The following LANCL2 variants were observed in gnomAD, a reference collection of about 807,000 sequenced individuals.
LANCL2 encodes lanC-like protein 2.
Under a neutral mutation model 56.9 loss-of-function variants are expected in LANCL2, and 33 were observed. The observed-to-expected ratio is 0.58, with a 90% confidence interval of 0.44 to 0.78. The LOEUF (loss-of-function observed/expected upper bound fraction) is 0.78. Among genes scored for constraint, LANCL2 ranks in the 30% least tolerant of loss-of-function variants. The pLI is 0.00. For synonymous variants in LANCL2, 233 were observed against 228.2 expected, an observed-to-expected ratio of 1.02 and a Z score of -0.19; for missense variants, 562 against 580.2, an observed-to-expected ratio of 0.97 and a Z score of 0.32.
rs869116156 is a variant in LANCL2, at chr7:55,416,969, G to GTT, written c.1008+4906_1008+4907dup. Among the ~76,000 whole-genome samples, 151 of 81,648 alleles carry GTT rather than the reference G, an allele frequency of 1.8e-3. 18 individuals are homozygous for GTT. The highest frequency in any genetic ancestry group is 4.8e-3 in the African/African-American group (77 of 16,044). The allele number at this position is 81,648 out of a possible 152,430, so 53.6% of individuals were successfully genotyped here. On this transcript the variant is annotated intron_variant, in intron 6 of 8. Transcript: ENST00000254770. ...ATTACATGAGGTAACAAACGAGGTGGTTTTTTTTTTTTTTTTTTTTTTTTT... is the reference window on the plus strand; with the variant it reads ...ATTACATGAGGTAACAAACGAGGTGGTTTTTTTTTTTTTTTTTTTTTTTTTTT...
At position 55,365,776 on chromosome 7, in the gene LANCL2, C is replaced by G; in HGVS notation, c.-250C>G. The G allele has an allele frequency of 2.7e-6, 1 of 369,742 alleles. No individual in the cohort carries two copies. The highest frequency in any genetic ancestry group is 4.8e-6 in the Non-Finnish European group (1 of 206,676). The allele number at this position is 369,742 out of a possible 1,614,324, so 22.9% of individuals were successfully genotyped here. A position where few individuals can be genotyped will look rare whatever the true frequency, so the allele number is the denominator to read the frequency against. On this transcript the variant is annotated 5_prime_UTR_variant, in exon 1 of 9. Coordinates refer to ENST00000254770, the MANE Select transcript of LANCL2 (RefSeq NM_018697.4). The stretch of plus-strand genomic sequence containing the variant: ...CTCCCGCGAGCCCGCTCCTCTCCGT[C>G]GGGAGCAGGGCAAAGGCGCCAGGAA...
chr7:55,424,640 G>A (rs79590956), intron 6 of LANCL2, among the ~76,000 whole-genome samples: 1,863 of 152,290 alleles, frequency 0.012, 39 homozygotes, highest in African/African-American at 0.043. Context: ...TAGTAAAACC[G>A]TGAAACAGAA....
intron 1 of LANCL2, among the ~76,000 whole-genome samples, chr7:55,382,185 A>G (rs557756127): frequency 1.3e-5 from 2 of 152,352 alleles, no homozygotes; most frequent in East Asian, 1.9e-4. Context: ...CCAGATAGTG[A>G]AACTAGTATG....
At chr7:55,402,896 A>G (rs1303365678) in intron 5 of LANCL2, among the ~76,000 whole-genome samples, 1 of 150,132 alleles carries the variant, frequency 6.7e-6, no homozygotes, top group Admixed American at 6.6e-5. Context: ...CCTGGCAGAG[A>G]CGCTCCTCAC....
intron 5 of LANCL2, among the ~76,000 whole-genome samples, chr7:55,404,845 C>T (rs1408841960): frequency 6.6e-6 from 1 of 152,130 alleles, no homozygotes; most frequent in African/African-American, 2.4e-5. Flanking sequence ...AACTCCTGAC[C>T]TCTGGTGATC....
intron 5 of LANCL2, among the ~76,000 whole-genome samples, chr7:55,405,619 G>T (rs1160815649): frequency 6.6e-6 from 1 of 150,788 alleles, no homozygotes; most frequent in Non-Finnish European, 1.5e-5. Context: ...CCACGAGTGT[G>T]CTGGGATTAC....
intron 1 of LANCL2, among the ~76,000 whole-genome samples, chr7:55,373,466 T>A (rs1481754369): frequency 6.6e-6 from 1 of 150,474 alleles, no homozygotes; most frequent in African/African-American, 2.4e-5. Flanking sequence ...AATTTTTAAA[T>A]TTTTTGTGTG....
Position 55,431,260 on chromosome 7 carries a change from C to G in LANCL2, c.1293C>G (p.Val431=), listed in dbSNP as rs190150971. Reference sequence around the variant, plus strand: ...GCGCTATTCACTTTCTCTCTGATGTCCTGGGACCAGAGACATCACGGTTTC... The same window carrying G: ...GCGCTATTCACTTTCTCTCTGATGTGCTGGGACCAGAGACATCACGGTTTC... ...MAGAIHFLSD[V]LGPETSRFPA... is the part of the protein sequence containing the mutation. The change falls in exon 9 of 9, where the codon GTC becomes GTG. Residue 431 remains valine, a synonymous_variant. Transcript: ENST00000254770. 5 of 1,613,720 alleles carry G rather than the reference C, an allele frequency of 3.1e-6. No individual in the cohort carries two copies. The African/African-American group carries it at 5.3e-5, about 17-fold the overall frequency.
At chr7:55,375,841 C>T (rs1789994451) in intron 1 of LANCL2, among the ~76,000 whole-genome samples, 1 of 152,234 alleles carries the variant, frequency 6.6e-6, no homozygotes, top group South Asian at 2.1e-4. Context: ...GTGTTCCCCA[C>T]TTCCCTGCTG....
intron 8 of LANCL2, among the ~76,000 whole-genome samples, chr7:55,428,929 G>A (rs1790697872): frequency 6.6e-6 from 1 of 152,192 alleles, no homozygotes; most frequent in African/African-American, 2.4e-5. Flanking sequence ...CTGATAGGCA[G>A]GCAGTGAAAG....
At chr7:55,376,373 G>A (rs922573148) in intron 1 of LANCL2, among the ~76,000 whole-genome samples, 11 of 152,278 alleles carry the variant, frequency 7.2e-5, no homozygotes, top group African/African-American at 2.4e-4. Flanking sequence ...ACCAGACTCC[G>A]CATGGACAGC....
intron 1 of LANCL2, among the ~76,000 whole-genome samples, chr7:55,377,978 C>G (rs1241004103): frequency 6.6e-6 from 1 of 152,110 alleles, no homozygotes; most frequent in Non-Finnish European, 1.5e-5. Context: ...GAATGCACAG[C>G]CCAGGAACTT....
intron 5 of LANCL2, among the ~76,000 whole-genome samples, chr7:55,404,674 C>T (rs974755937): frequency 2.6e-5 from 4 of 151,436 alleles, no homozygotes; most frequent in African/African-American, 9.7e-5. Context: ...AGTGCAGTGG[C>T]GCCATCTCAG....
At chr7:55,366,327 C>T (rs985297060) in intron 1 of LANCL2, 98 bp downstream of exon 1, 6 of 1,073,748 alleles carry the variant, frequency 5.6e-6, no homozygotes, top group South Asian at 1.8e-5. Flanking sequence ...GCGCGCCGGG[C>T]TTGGGAGGGC....
chr7:55,426,756 A>C (rs1277575609), intron 7 of LANCL2, among the ~76,000 whole-genome samples: 1 of 152,192 alleles, frequency 6.6e-6, no homozygotes, highest in Non-Finnish European at 1.5e-5. Flanking sequence ...CGGAGGTGTG[A>C]GCACCCAGGG....
chr7:55,372,405 C>T (rs1203185227), intron 1 of LANCL2, among the ~76,000 whole-genome samples: 2 of 152,072 alleles, frequency 1.3e-5, no homozygotes, highest in African/African-American at 4.8e-5. Context: ...CCTTGGTTTT[C>T]TTACCTCATC....
intron 2 of LANCL2, among the ~76,000 whole-genome samples, 165 bp downstream of exon 2, chr7:55,392,075 C>T (rs1264864785): frequency 6.6e-6 from 1 of 152,128 alleles, no homozygotes; most frequent in Non-Finnish European, 1.5e-5. Context: ...GGTGGATCAC[C>T]TGAGCTTAGG....
chr7:55,417,042 C>A (rs1478387050), intron 6 of LANCL2, among the ~76,000 whole-genome samples: 3 of 142,164 alleles, frequency 2.1e-5, no homozygotes, highest in African/African-American at 5.3e-5. Flanking sequence ...TGCAGTGGCA[C>A]GATCTCTGCT....
chr7:55,431,108 G>A, intron 8 of LANCL2, 118 bp from the exon 9 acceptor site: 1 of 575,024 alleles, frequency 1.7e-6, no homozygotes, highest in Non-Finnish European at 2.9e-6. Flanking sequence ...GTCATCTTTA[G>A]AGTCCTCAGC....
Sources: gnomAD v4.1 joint callset for allele counts (sites outside exome capture counted in the v4.1 genomes callset) on GRCh38, gnomAD v4.1.1 for gene constraint, MANE v1.5 for transcripts, NCBI Gene and HGNC (gene_info 2026-07-23, HGNC 2026-07-21) for gene names.